TNKS2: variants seen among roughly 807,000 people sequenced by gnomAD.
TNKS2 encodes the protein poly [ADP-ribose] polymerase tankyrase-2.
TNKS2 carries 72 observed loss-of-function variants against 137.6 expected under a neutral mutation model. That is an observed-to-expected ratio of 0.52 (90% CI 0.43 to 0.64). TNKS2 has a LOEUF of 0.64. Ranked by LOEUF, TNKS2 falls within the 30% of genes least tolerant of loss-of-function variation. The pLI is 0.00. For synonymous variants in TNKS2, 516 were observed against 512.1 expected, an observed-to-expected ratio of 1.01 and a Z score of -0.10; for missense variants, 1,049 against 1,410.2, an observed-to-expected ratio of 0.74 and a Z score of 4.10.
At position 91,839,366 on chromosome 10, in the gene TNKS2, G is replaced by A. The variant is rs527610204; in HGVS notation, c.1528-1195G>A. 2.0e-5 allele frequency among the ~76,000 whole-genome samples: 3 copies of A among 151,336 alleles called. No homozygotes were observed. In the South Asian group the frequency reaches 6.3e-4, roughly 32 times the overall value. ...TTTTCCTTTTTTCTTTTTTGGAGAT[G>A]GAGTCTGGGTTGGTCACCCACGCTG... is the stretch of plus-strand genomic sequence containing the variant. On this transcript the variant is annotated intron_variant, in intron 13 of 26. Coordinates refer to ENST00000371627, the MANE Select transcript of TNKS2 (RefSeq NM_025235.4).
At chr10:91,853,622 C>A (rs1330233072) in intron 21 of TNKS2, among the ~76,000 whole-genome samples, 1 of 152,212 alleles carries the variant, frequency 6.6e-6, no homozygotes, top group East Asian at 1.9e-4. Context: ...CCATACTGAT[C>A]TTTCAGTATT....
chr10:91,807,083 A>G (rs766224689), intron 1 of TNKS2: 5 of 1,443,748 alleles, frequency 3.5e-6, no homozygotes, highest in African/African-American at 1.4e-5. Context: ...TGAACAGTCC[A>G]CTTAGTTACA....
intron 18 of TNKS2, among the ~76,000 whole-genome samples, chr10:91,847,930 A>G (rs1842427377): frequency 6.6e-6 from 1 of 152,194 alleles, no homozygotes; most frequent in African/African-American, 2.4e-5. Flanking sequence ...CCATATTTAA[A>G]TTATATTTTG....
At chr10:91,802,971 C>A (rs1844216685) in intron 1 of TNKS2, among the ~76,000 whole-genome samples, 1 of 152,194 alleles carries the variant, frequency 6.6e-6, no homozygotes, top group African/African-American at 2.4e-5. Context: ...TCAGCGCTTG[C>A]TGGATTTGGA....
chr10:91,842,082 C>T, intron 15 of TNKS2, 90 bp from the exon 16 acceptor site: 2 of 769,860 alleles, frequency 2.6e-6, no homozygotes, highest in Non-Finnish European at 4.1e-6. Flanking sequence ...TTTAGTTTTT[C>T]TTTGGTATAG....
At chr10:91,800,494 A>G in intron 1 of TNKS2, among the ~76,000 whole-genome samples, 1 of 152,230 alleles carries the variant, frequency 6.6e-6, no homozygotes, top group South Asian at 2.1e-4. Flanking sequence ...AGATTATGTT[A>G]TTAGATCCTC....
intron 1 of TNKS2, among the ~76,000 whole-genome samples, chr10:91,809,543 G>C (rs2133594071): frequency 6.6e-6 from 1 of 152,138 alleles, no homozygotes; most frequent in East Asian, 1.9e-4. Context: ...GCGGGCGCCT[G>C]TAGTCCCAGC....
In TNKS2 at chr10:91,833,774, TAAAAA is replaced by T. The variant is rs1431501980; in HGVS notation, c.1276-78_1276-74del. The stretch of plus-strand genomic sequence containing the variant: ...TAAAAGAATTGAGACTTAAAAGTAG[TAAAAA>T]GTGTTAAATACATGATTGTATGGTT... On this transcript the variant is annotated intron_variant, in intron 11 of 26. Transcript: ENST00000371627. The T allele has an allele frequency of 3.4e-6, 4 of 1,175,444 alleles. No homozygotes were observed. In the African/African-American group the frequency reaches 6.2e-5, roughly 18 times the overall value. The allele number at this position is 1,175,444 out of a possible 1,614,324, so 72.8% of individuals were successfully genotyped here. A position where few individuals can be genotyped will look rare whatever the true frequency, so the allele number is the denominator to read the frequency against.
At chr10:91,808,721 G>A (rs1487945002) in intron 1 of TNKS2, among the ~76,000 whole-genome samples, 1 of 152,124 alleles carries the variant, frequency 6.6e-6, no homozygotes, top group African/African-American at 2.4e-5. Context: ...AGTGTAGACT[G>A]GAGATTTAAA....
At chr10:91,839,905 G>A (rs770653156) in intron 13 of TNKS2, among the ~76,000 whole-genome samples, 8 of 152,274 alleles carry the variant, frequency 5.3e-5, no homozygotes, top group Non-Finnish European at 7.3e-5. Flanking sequence ...TGGTACTACC[G>A]TAATCTCATG....
rs1245650777 is a variant in TNKS2, at chr10:91,848,586, A to G, written c.2562A>G (p.Val854=). The change falls in exon 19 of 27, where the codon GTA becomes GTG. Residue 854 remains valine, a synonymous_variant. Coordinates refer to ENST00000371627, the MANE Select transcript of TNKS2 (RefSeq NM_025235.4). The part of the protein sequence containing the change: ...LSGSFSELSS[V]VSSSGTEGAS... Reference sequence around the variant, plus strand: ...GGAGTTTTTCAGAACTGTCTTCAGTAGTTAGTTCAAGTGGAACAGAGGGTG... The same window carrying G: ...GGAGTTTTTCAGAACTGTCTTCAGTGGTTAGTTCAAGTGGAACAGAGGGTG... 6.2e-7 allele frequency: 1 copy of G among 1,614,194 alleles called. No individual in the cohort carries two copies. The highest frequency in any genetic ancestry group is 1.1e-5 in the South Asian group (1 of 91,088).
In TNKS2 at chr10:91,859,481, A is replaced by C. The variant is rs1171838042; in HGVS notation, c.3114A>C (p.Ala1038=). 6.2e-7 allele frequency: 1 copy of C among 1,606,838 alleles called. No homozygotes were observed. The highest frequency in any genetic ancestry group is 8.5e-7 in the Non-Finnish European group (1 of 1,177,274). The change falls in exon 25 of 27, where the codon GCA becomes GCC. Residue 1038 remains alanine, a synonymous_variant. Transcript: ENST00000371627. ...TTTCAGGGTCTCCTTTTGTGAATGC[A>C]ATTATCCACAAAGGCTTTGATGAAA... The part of the protein sequence containing the change: ...MLFHGSPFVN[A]IIHKGFDERH...
At chr10:91,852,786 A>G (rs1444244045) in intron 21 of TNKS2, among the ~76,000 whole-genome samples, 3 of 152,190 alleles carry the variant, frequency 2.0e-5, no homozygotes, top group Non-Finnish European at 4.4e-5. Flanking sequence ...AAATAAGAGC[A>G]CCTCTAAAAA....
chr10:91,852,228 A>C (rs945606938), intron 21 of TNKS2, among the ~76,000 whole-genome samples: 2 of 150,664 alleles, frequency 1.3e-5, no homozygotes, highest in African/African-American at 4.9e-5. Context: ...ACTCCATCTC[A>C]AAAAAAATAA....
In TNKS2 at chr10:91,819,498, A is replaced by G. The variant is rs1391579923; in HGVS notation, c.574A>G (p.Lys192Glu). The change falls in exon 5 of 27, where the codon AAA (lysine) becomes GAA (glutamate). Residue 192 changes from lysine to glutamate, a missense_variant. Lys to Glu is a moderately conservative substitution (Grantham distance 56, BLOSUM62 1). Around this residue, in one of 6 missense-constraint regions of TNKS2, gnomAD observed 374 missense variants for 460.8 expected, o/e 0.81. Transcript: ENST00000371627. ...LESARSGNEE[K>E]MMALLTPLNV... ...GTATTCTAGGAGTGGCAATGAAGAA[A>G]AAATGATGGCTCTACTCACACCATT... 6.3e-7 allele frequency: 1 copy of G among 1,586,152 alleles called. No homozygotes were observed. Among genetic ancestry groups the G allele is most frequent in the African/African-American group, 1.4e-5 (1 of 73,700 alleles).
intron 7 of TNKS2, among the ~76,000 whole-genome samples, chr10:91,825,435 A>G (rs1466978834): frequency 6.6e-6 from 1 of 152,188 alleles, no homozygotes; most frequent in East Asian, 1.9e-4. Flanking sequence ...TTTAAACTAA[A>G]GTATATTTAG....
At chr10:91,814,166 T>C (rs962830566) in intron 2 of TNKS2, among the ~76,000 whole-genome samples, 1 of 152,056 alleles carries the variant, frequency 6.6e-6, no homozygotes, top group African/African-American at 2.4e-5. Context: ...TGGGAGAAGA[T>C]ATGGAGGTGG....
chr10:91,816,859 C>T (rs558588435), intron 2 of TNKS2, among the ~76,000 whole-genome samples: 1 of 152,102 alleles, frequency 6.6e-6, no homozygotes, highest in Non-Finnish European at 1.5e-5. Flanking sequence ...TCTTATCTAT[C>T]CTTAGTCACT....
Position 91,848,401 on chromosome 10 carries a change from C to T in TNKS2, c.2377C>T (p.Leu793Phe), listed in dbSNP as rs1842446472. Residue 793 changes from leucine to phenylalanine, a missense_variant, in exon 19 of 27, where the codon CTT (leucine) becomes TTT (phenylalanine). Leu to Phe is a conservative substitution (Grantham distance 22, BLOSUM62 0). Transcript: ENST00000371627. ...DLVSADDVSA[L>F]LTAAMPPSAL... Reference sequence around the variant, plus strand: ...ACCCTAGGCGGATGATGTCAGCGCTCTTCTGACAGCAGCCATGCCCCCATC... The same window carrying T: ...ACCCTAGGCGGATGATGTCAGCGCTTTTCTGACAGCAGCCATGCCCCCATC... 1 of 1,614,042 alleles carries T rather than the reference C, an allele frequency of 6.2e-7. No individual in the cohort carries two copies. Among genetic ancestry groups the T allele is most frequent in the Non-Finnish European group, 8.5e-7 (1 of 1,180,024 alleles).
Sources: allele counts gnomAD v4.1 joint callset (sites outside exome capture counted in the v4.1 genomes callset), GRCh38; gene constraint gnomAD v4.1.1; regional missense constraint gnomAD v4.1.1; transcripts MANE v1.5; gene names NCBI Gene and HGNC (gene_info 2026-07-23, HGNC 2026-07-21).